The following PIEZO2 variants were observed in gnomAD, a reference collection of about 807,000 sequenced individuals.
PIEZO2 encodes piezo-type mechanosensitive ion channel component 2.
Under a neutral mutation model 337.3 loss-of-function variants are expected in PIEZO2, and 172 were observed. The observed-to-expected ratio is 0.51, with a 90% CI of 0.45 to 0.58. The LOEUF (loss-of-function observed/expected upper bound fraction) is 0.58, where lower values mean the gene tolerates loss of function less well. PIEZO2 is among the 20% of genes least tolerant of loss of function. PIEZO2 has a pLI of 0.00. For synonymous variants in PIEZO2, 1,251 were observed against 1,228.5 expected, an observed-to-expected ratio of 1.02 and a Z score of -0.38; for missense variants, 3,028 against 3,391.3, an observed-to-expected ratio of 0.89 and a Z score of 2.66.
chr18:10,801,377 A>G lies in PIEZO2; in HGVS notation c.1239+13T>C, dbSNP rs142251928. On this transcript the variant is annotated intron_variant, in intron 10 of 55. Transcript: ENST00000674853. ...TACACATGCATAAATGATAATTCTA[A>G]GGGTATACTAACATCAGATGGTTTG... 61 of 1,474,868 alleles carry G rather than the reference A, an allele frequency of 4.1e-5. 1 individual carries two copies. The South Asian group carries it at 7.3e-4, about 18-fold the overall frequency. 91.4% of individuals were successfully genotyped at this position (1,474,868 alleles called of 1,614,324 possible). A position where few individuals can be genotyped will look rare whatever the true frequency, so the allele number is the denominator to read the frequency against.
chr18:10,876,118 T>C (rs1305855074), intron 4 of PIEZO2, among the ~76,000 whole-genome samples: 1 of 152,256 alleles, frequency 6.6e-6, no homozygotes, highest in Non-Finnish European at 1.5e-5. Context: ...GAGACCATCT[T>C]ATCAATTGTG....
chr18:10,769,462 A>AG lies in PIEZO2; in HGVS notation c.2946+685_2946+686insC, dbSNP rs2038505197. Among the ~76,000 whole-genome samples the AG allele has an allele frequency of 1.2e-4, 18 of 152,360 alleles. No individual in the cohort carries two copies. In the East Asian group the frequency reaches 3.5e-3, roughly 29 times the overall value. On this transcript the variant is annotated intron_variant, in intron 21 of 55. Coordinates refer to ENST00000674853, the MANE Select transcript of PIEZO2 (RefSeq NM_001378183.1). ...TGTAGTTGTGATATTTTACTGTTAT[A>AG]TATGTAACTTTTTAAAGATTATAGG...
intron 43 of PIEZO2, among the ~76,000 whole-genome samples, chr18:10,701,264 T>C (rs1316556624): frequency 6.6e-6 from 1 of 152,252 alleles, no homozygotes; most frequent in Admixed American, 6.5e-5. Context: ...TTCTATTTAT[T>C]AGAATTAAAT....
rs150433211 is a variant in PIEZO2, at chr18:11,029,235, T to C, written c.160+36892A>G. 2.1e-3 allele frequency among the ~76,000 whole-genome samples: 322 copies of C among 152,288 alleles called. 3 individuals are homozygous for C. The highest frequency in any genetic ancestry group is 7.2e-3 in the African/African-American group (298 of 41,564). On this transcript the variant is annotated intron_variant, in intron 2 of 55. Transcript: ENST00000674853. Reference sequence around the variant, plus strand: ...AAAAGCAGCTCTGATTTTTCCTCCGTCACCCTTGCTCCAGACCCGGCTCCC... The same window carrying C: ...AAAAGCAGCTCTGATTTTTCCTCCGCCACCCTTGCTCCAGACCCGGCTCCC...
intron 11 of PIEZO2, among the ~76,000 whole-genome samples, chr18:10,798,556 G>T (rs1301399756): frequency 2.6e-5 from 4 of 152,200 alleles, no homozygotes; most frequent in African/African-American, 9.7e-5. Flanking sequence ...TTACTGCCAT[G>T]CTGCTTCTCT....
intron 2 of PIEZO2, among the ~76,000 whole-genome samples, chr18:10,998,626 TA>T (rs982147263): frequency 8.5e-5 from 13 of 152,190 alleles, no homozygotes; most frequent in African/African-American, 3.1e-4. Context: ...TTTCCAAAAG[TA>T]ACCCAGACAA....
chr18:10,742,386 A>G, intron 32 of PIEZO2, 108 bp downstream of exon 32: 1 of 1,259,014 alleles, frequency 7.9e-7, no homozygotes, highest in Non-Finnish European at 1.1e-6. Flanking sequence ...AAAAAAGTGT[A>G]TCGATAATCT....
chr18:10,956,342 T>A (rs115777573), intron 3 of PIEZO2, among the ~76,000 whole-genome samples: 2,138 of 152,264 alleles, frequency 0.014, 52 homozygotes, highest in African/African-American at 0.048. Flanking sequence ...GAAAGAGCTG[T>A]ACACTGAAAA....
At chr18:10,918,632 AAT>A (rs1322870068) in intron 3 of PIEZO2, among the ~76,000 whole-genome samples, 1 of 152,106 alleles carries the variant, frequency 6.6e-6, no homozygotes, top group Non-Finnish European at 1.5e-5. Flanking sequence ...GTAAAATAAC[AAT>A]GATTTACAAA....
At chr18:11,037,056 C>G (rs541801181) in intron 2 of PIEZO2, among the ~76,000 whole-genome samples, 3 of 152,254 alleles carry the variant, frequency 2.0e-5, no homozygotes, top group African/African-American at 7.2e-5. Context: ...ACCTCCACCT[C>G]TGGGTTCAAG....
chr18:10,991,051 G>A (rs1296119287), intron 2 of PIEZO2, among the ~76,000 whole-genome samples: 1 of 151,540 alleles, frequency 6.6e-6, no homozygotes, highest in African/African-American at 2.4e-5. Flanking sequence ...ATTTTCCGAG[G>A]AGATTGTAAA....
chr18:10,936,923 C>G (rs899928243), intron 3 of PIEZO2, among the ~76,000 whole-genome samples: 6 of 152,136 alleles, frequency 3.9e-5, no homozygotes, highest in African/African-American at 1.2e-4. Flanking sequence ...GCTACTGACT[C>G]CCTCCTTGTG....
In PIEZO2 at chr18:10,834,067, T is replaced by C. The variant is rs2040931099; in HGVS notation, c.917+21286A>G. 6.6e-6 allele frequency among the ~76,000 whole-genome samples: 1 copy of C among 152,238 alleles called. No individual in the cohort carries two copies. Among genetic ancestry groups the C allele is most frequent in the East Asian group, 1.9e-4 (1 of 5,206 alleles). ...TGTATATGGGGCACAGGTGATGTTT[T>C]GATACAGACATGCAATGTGTAACAA... On this transcript the variant is annotated intron_variant, in intron 7 of 55. Coordinates refer to ENST00000674853, the MANE Select transcript of PIEZO2 (RefSeq NM_001378183.1). The surrounding 1 kb of genome is among the most constrained non-coding windows in gnomAD (Gnocchi z 4.5).
At position 10,713,691 on chromosome 18, in the gene PIEZO2, A is replaced by G. The variant is rs1397267305; in HGVS notation, c.5423+1073T>C. Reference sequence around the variant, plus strand: ...TCTTATCTTTATATGCCTCTCCCAGAATAGAGCCCAGGGCTTGGCACAGAA... The same window carrying G: ...TCTTATCTTTATATGCCTCTCCCAGGATAGAGCCCAGGGCTTGGCACAGAA... On this transcript the variant is annotated intron_variant, in intron 39 of 55. Transcript: ENST00000674853. The surrounding 1 kb of genome is among the most constrained non-coding windows in gnomAD (Gnocchi z 4.5). 1.3e-5 allele frequency among the ~76,000 whole-genome samples: 2 copies of G among 152,212 alleles called. No homozygotes were observed. Among genetic ancestry groups the G allele is most frequent in the African/African-American group, 4.8e-5 (2 of 41,452 alleles).
intron 3 of PIEZO2, among the ~76,000 whole-genome samples, chr18:10,933,009 A>G (rs925411058): frequency 2.0e-5 from 3 of 152,142 alleles, no homozygotes; most frequent in African/African-American, 7.2e-5. Flanking sequence ...GCATTTAGGC[A>G]CAACAGAGTG....
rs1482849526 is a variant in PIEZO2 at position 10,783,443 on chromosome 18, C to T, written c.2492+1341G>A. Among the ~76,000 whole-genome samples the T allele has an allele frequency of 6.6e-6, 1 of 152,174 alleles. No homozygotes were observed. Among genetic ancestry groups the T allele is most frequent in the Non-Finnish European group, 1.5e-5 (1 of 68,026 alleles). On this transcript the variant is annotated intron_variant, in intron 17 of 55. Coordinates refer to ENST00000674853, the MANE Select transcript of PIEZO2 (RefSeq NM_001378183.1). This position sits in a 1 kb window ranked among gnomAD's most constrained non-coding sequence, Gnocchi z 4.3. ...GGCATTCTCTTTGTAAACTTTTAAA[C>T]TTGGGGTGATTTTCCCTCCCATCAA... is the stretch of plus-strand genomic sequence containing the variant.
intron 1 of PIEZO2, among the ~76,000 whole-genome samples, chr18:11,100,665 G>T (rs2039386649): frequency 6.6e-6 from 1 of 151,814 alleles, no homozygotes; most frequent in Admixed American, 6.6e-5. Flanking sequence ...GCACAGTTTT[G>T]GCTCACTGCA....
At chr18:10,790,089 T>A (rs1007807787) in intron 14 of PIEZO2, among the ~76,000 whole-genome samples, 2 of 152,198 alleles carry the variant, frequency 1.3e-5, no homozygotes, top group Non-Finnish European at 2.9e-5. Flanking sequence ...AGAGCAACAG[T>A]TGATCTCAAA....
rs1484915497 is a variant in PIEZO2, at chr18:10,757,953, G to A, written c.3923+16C>T. The A allele has an allele frequency of 3.9e-6, 6 of 1,526,908 alleles. No individual in the cohort carries two copies. Among genetic ancestry groups the A allele is most frequent in the Non-Finnish European group, 5.3e-6 (6 of 1,141,592 alleles). 94.6% of individuals were successfully genotyped at this position (1,526,908 alleles called of 1,614,324 possible). ...CACATCAAAGTGGCTTTTAGCAAAT[G>A]TGAAGCTCTTGTTACCTGCAGTGAA... On this transcript the variant is annotated intron_variant, in intron 27 of 55. Coordinates refer to ENST00000674853, the MANE Select transcript of PIEZO2 (RefSeq NM_001378183.1).
Sources: allele counts gnomAD v4.1 joint callset (sites outside exome capture counted in the v4.1 genomes callset), GRCh38; gene constraint gnomAD v4.1.1; non-coding constraint Gnocchi (gnomAD v3.1); transcripts MANE v1.5; gene names NCBI Gene and HGNC (gene_info 2026-07-23, HGNC 2026-07-21).